KIF14: variants seen among roughly 807,000 people sequenced by gnomAD.
The protein encoded by KIF14 is kinesin-like protein KIF14.
A neutral mutation model predicts 176.2 loss-of-function variants in KIF14; 98 were observed. The ratio of observed to expected loss-of-function variants is 0.56; its 90% CI spans 0.47 to 0.66. The LOEUF is 0.66. Among genes scored for constraint, KIF14 ranks in the 30% least tolerant of loss-of-function variants. The pLI, the probability that KIF14 is intolerant of heterozygous loss-of-function variation, is 0.00. For missense variants in KIF14, 1,751 were observed against 1,920.4 expected, an observed-to-expected ratio of 0.91 and a Z score of 1.65; for synonymous variants, 566 against 632.2, an observed-to-expected ratio of 0.90 and a Z score of 1.57.
At chr1:200,589,146 A>G (rs536930724) in intron 18 of KIF14, 71 bp downstream of exon 18, 4 of 1,270,222 alleles carry the variant, frequency 3.1e-6, no homozygotes, top group East Asian at 4.7e-5. Context: ...ACATACCATA[A>G]GCCACTTCTT....
At position 200,615,555 on chromosome 1, in the gene KIF14, A is replaced by C; in HGVS notation, c.1167T>G (p.Thr389=). ...QVVFMSGKEI[T]VEHPDTKQVY... ...CTTGTTTCGTGTCAGGGTGTTCCAC[A>C]GTTATTTCTTTCCCACTCATGAAGA... The change falls in exon 3 of 30, where the codon ACT becomes ACG. Residue 389 remains threonine (T), a synonymous_variant. Coordinates refer to ENST00000367350, the MANE Select transcript of KIF14 (RefSeq NM_014875.3). 4 of 1,613,794 alleles carry C rather than the reference A, an allele frequency of 2.5e-6. No homozygotes were observed. Among genetic ancestry groups the C allele is most frequent in the Non-Finnish European group, 3.4e-6 (4 of 1,179,696 alleles).
At chr1:200,608,608 C>T (rs1049334031) in intron 5 of KIF14, among the ~76,000 whole-genome samples, 1 of 152,074 alleles carries the variant, frequency 6.6e-6, no homozygotes, top group South Asian at 2.1e-4. Flanking sequence ...GGCAGTCTGC[C>T]CCCCTCAGCC....
chr1:200,551,999 T>C lies in KIF14; in HGVS notation c.*1389A>G, dbSNP rs998372018. ...TTCACTAATACTGTTCTGACTGCAA[T>C]GACTGTATTTACTTACAATCTCTTC... On this transcript the variant is annotated 3_prime_UTR_variant, in exon 30 of 30. Transcript: ENST00000367350. 2.6e-5 allele frequency: 4 copies of C among 152,248 alleles called. No individual in the cohort carries two copies. Among genetic ancestry groups the C allele is most frequent in the African/African-American group, 7.2e-5 (3 of 41,476 alleles). The allele number at this position is 152,248 out of a possible 1,614,324, so 9.4% of individuals were successfully genotyped here.
chr1:200,594,398 C>CA (rs1659225605), intron 14 of KIF14, among the ~76,000 whole-genome samples: 1 of 122,000 alleles, frequency 8.2e-6, no homozygotes, highest in African/African-American at 3.1e-5. Flanking sequence ...AAAAAACTAG[C>CA]AAAAAACATT....
At position 200,618,263 on chromosome 1, in the gene KIF14, T is replaced by C; in HGVS notation, c.461A>G (p.Asn154Ser). 1 of 1,613,822 alleles carries C rather than the reference T, an allele frequency of 6.2e-7. No homozygotes were observed. The highest frequency in any genetic ancestry group is 8.5e-7 in the Non-Finnish European group (1 of 1,180,002). Residue 154 changes from asparagine (N) to serine (S), a missense_variant, in exon 2 of 30, where the codon AAT (asparagine) becomes AGT (serine). Physicochemically the swap from Asn to Ser is conservative, Grantham distance 46 (BLOSUM62 1). Transcript: ENST00000367350. The stretch of plus-strand genomic sequence containing the variant: ...TGTTCTACTTTCCTTAGAAACACCA[T>C]TATTTTCTGTTTCACCTCCCACATT... ...TLNVGGETEN[N>S]GVSKESRTNV...
intron 25 of KIF14, among the ~76,000 whole-genome samples, chr1:200,562,007 G>A (rs763902964): frequency 6.6e-6 from 1 of 152,166 alleles, no homozygotes; most frequent in Non-Finnish European, 1.5e-5. Context: ...AAAAAGGAAT[G>A]AGGAAGCTTC....
chr1:200,619,225 A>C (rs188792957), intron 1 of KIF14, among the ~76,000 whole-genome samples: 350 of 152,360 alleles, frequency 2.3e-3, no homozygotes, highest in Admixed American at 6.1e-3. Flanking sequence ...AGTGTGGGGA[A>C]TGGGAAGGAC....
Position 200,617,931 on chromosome 1 carries a change from T to C in KIF14, c.793A>G (p.Lys265Glu). The C allele has an allele frequency of 1.9e-6, 3 of 1,614,020 alleles. No individual in the cohort carries two copies. The highest frequency in any genetic ancestry group is 2.5e-6 in the Non-Finnish European group (3 of 1,179,994). The change falls in exon 2 of 30, where the codon AAA (lysine) becomes GAA (glutamate). Residue 265 changes from lysine to glutamate, a missense_variant. Lys to Glu is a moderately conservative substitution (Grantham distance 56). Transcript: ENST00000367350. ...AAGCTCCCAAATTTATTTGAAGTTT[T>C]TGCAATTTCCTTCCCAATACTTCTA... ...YHRSIGKEIA[K>E]TSNKFGSLEK...
chr1:200,580,018 C>A (rs1474563695), intron 21 of KIF14, among the ~76,000 whole-genome samples: 1 of 151,844 alleles, frequency 6.6e-6, no homozygotes, highest in Admixed American at 6.6e-5. Flanking sequence ...CTCTATTATA[C>A]CTATAACTGT....
In KIF14 at chr1:200,617,762, A is replaced by G. The variant is rs555992206; in HGVS notation, c.962T>C (p.Phe321Ser). 2.5e-6 allele frequency: 4 copies of G among 1,614,184 alleles called. No individual in the cohort carries two copies. Among genetic ancestry groups the G allele is most frequent in the African/African-American group, 2.7e-5 (2 of 75,054 alleles). ...GGATCTTTCCTGTTTATTTGCAAGAAAGGAACTTTTTGGTCTTTGTTTAAC... is the reference window on the plus strand; with the variant it reads ...GGATCTTTCCTGTTTATTTGCAAGAGAGGAACTTTTTGGTCTTTGTTTAAC... ...LQVKQRPKSS[F>S]LANKQERSAE... The change falls in exon 2 of 30, where the codon TTT (phenylalanine) becomes TCT (serine). Residue 321 changes from phenylalanine (F) to serine (S), a missense_variant. Transcript: ENST00000367350.
At chr1:200,556,052 A>G (rs539996663) in intron 27 of KIF14, among the ~76,000 whole-genome samples, 6 of 152,342 alleles carry the variant, frequency 3.9e-5, no homozygotes, top group African/African-American at 1.4e-4. Context: ...TTGATTCTCC[A>G]TTATAGTCCT....
intron 29 of KIF14, among the ~76,000 whole-genome samples, chr1:200,553,987 T>C (rs1438534105): frequency 6.6e-6 from 1 of 152,214 alleles, no homozygotes; most frequent in Non-Finnish European, 1.5e-5. Context: ...ATACATTAAG[T>C]GGGAATTTAA....
Position 200,551,931 on chromosome 1 carries a change from C to CT in KIF14, c.*1456dup, listed in dbSNP as rs1421243919. 3.9e-5 allele frequency: 6 copies of CT among 152,182 alleles called. No individual in the cohort carries two copies. The allele number at this position is 152,182 out of a possible 1,614,324, so 9.4% of individuals were successfully genotyped here. The stretch of plus-strand genomic sequence containing the variant: ...AAAAAAAGAAATGAAAGCAAATGTG[C>CT]TACATTGTACCATTTTAAAGAGCTT... On this transcript the variant is annotated 3_prime_UTR_variant, in exon 30 of 30. Coordinates refer to ENST00000367350, the MANE Select transcript of KIF14 (RefSeq NM_014875.3).
rs980440494 is a variant in KIF14 at position 200,577,950 on chromosome 1, T to G, written c.3466-2259A>C. Among the ~76,000 whole-genome samples, 4 of 151,780 alleles carry G rather than the reference T, an allele frequency of 2.6e-5. No individual in the cohort carries two copies. The South Asian group carries it at 6.2e-4, about 24-fold the overall frequency. ...AGATTAGCACCTTCTTTTCCTACAC[T>G]TTGTTGTTTTTTTTTTTTCGAGGCC... On this transcript the variant is annotated intron_variant, in intron 21 of 29. Coordinates refer to ENST00000367350, the MANE Select transcript of KIF14 (RefSeq NM_014875.3).
chr1:200,565,408 A>G, intron 24 of KIF14, 37 bp downstream of exon 24: 1 of 1,504,946 alleles, frequency 6.6e-7, no homozygotes, highest in Non-Finnish European at 9.0e-7. Flanking sequence ...GAAAATAATC[A>G]TTTATGTGAG....
intron 3 of KIF14, 115 bp from the exon 4 acceptor site, chr1:200,614,520 A>T: frequency 3.2e-6 from 2 of 619,866 alleles, no homozygotes; most frequent in South Asian, 4.2e-5. Flanking sequence ...TCTCATAATT[A>T]AGAATCTGGA....
chr1:200,585,384 TAGAAAAAAAATCTCTTA>T (rs1380869711), intron 19 of KIF14, among the ~76,000 whole-genome samples: 1 of 151,710 alleles, frequency 6.6e-6, no homozygotes, highest in East Asian at 1.9e-4. Context: ...TCAGTAAAGC[TAGAAAAAAAATCTCTTA>T]AGAAAAAAAT....
chr1:200,556,420 A>C (rs1656829876), intron 27 of KIF14, among the ~76,000 whole-genome samples: 1 of 152,126 alleles, frequency 6.6e-6, no homozygotes, highest in South Asian at 2.1e-4. Context: ...ATTTCTTTGG[A>C]TATTTTATTC....
chr1:200,599,895 TTTATA>T (rs1659539811), intron 13 of KIF14, among the ~76,000 whole-genome samples, 150 bp downstream of exon 13: 2 of 152,258 alleles, frequency 1.3e-5, no homozygotes, highest in South Asian at 4.1e-4. Context: ...TTAACATTTC[TTTATA>T]TTAATTTTCC....
Sources: allele counts gnomAD v4.1 joint callset (sites outside exome capture counted in the v4.1 genomes callset), GRCh38; gene constraint gnomAD v4.1.1; transcripts MANE v1.5; gene names NCBI Gene and HGNC (gene_info 2026-07-23, HGNC 2026-07-21).